ARFGAP3: variants seen among roughly 807,000 people sequenced by gnomAD.
ARFGAP3 encodes ARF GTPase activating protein 3.
A neutral mutation model predicts 75.0 loss-of-function variants in ARFGAP3; 72 were observed. The observed-to-expected ratio is 0.96, with a 90% CI of 0.79 to 1.17. The LOEUF is 1.17. Among genes scored for constraint, ARFGAP3 ranks in the 50% most tolerant of loss-of-function variants. ARFGAP3 has a pLI of 0.00. For synonymous variants in ARFGAP3, 221 were observed against 217.9 expected, an observed-to-expected ratio of 1.01 and a Z score of -0.13; for missense variants, 620 against 626.6, an observed-to-expected ratio of 0.99 and a Z score of 0.11.
At chr22:42,801,175 C>T (rs1235802275) in intron 14 of ARFGAP3, among the ~76,000 whole-genome samples, 2 of 152,108 alleles carry the variant, frequency 1.3e-5, no homozygotes, top group Admixed American at 6.5e-5. Flanking sequence ...ACGGGCTGAG[C>T]GTCCTCAGGA....
chr22:42,837,963 T>C (rs1428728396), intron 3 of ARFGAP3, among the ~76,000 whole-genome samples: 1 of 151,486 alleles, frequency 6.6e-6, no homozygotes, highest in Non-Finnish European at 1.5e-5. Flanking sequence ...GGAGCAACCA[T>C]GCCTGGCCAG....
At chr22:42,801,689 G>C (rs1481986713) in intron 14 of ARFGAP3, among the ~76,000 whole-genome samples, 1 of 152,174 alleles carries the variant, frequency 6.6e-6, no homozygotes, top group Middle Eastern at 3.2e-3. Context: ...AAGCTCCTTG[G>C]GGTCATTCAT....
At chr22:42,826,907 T>C in intron 7 of ARFGAP3, 33 bp downstream of exon 7, 1 of 1,601,072 alleles carries the variant, frequency 6.2e-7, no homozygotes, top group East Asian at 2.2e-5. Flanking sequence ...GTCATACACT[T>C]TAAATCAGAA....
chr22:42,812,576 A>G (rs1170839822), intron 11 of ARFGAP3, among the ~76,000 whole-genome samples: 1 of 152,218 alleles, frequency 6.6e-6, no homozygotes, highest in Non-Finnish European at 1.5e-5. Context: ...AAGAACCCAT[A>G]AGAGCAAAGA....
chr22:42,834,458 T>C lies in ARFGAP3; in HGVS notation c.394-133A>G, dbSNP rs1053865115. 29 of 1,460,746 alleles carry C rather than the reference T, an allele frequency of 2.0e-5. No individual in the cohort carries two copies. In the African/African-American group the frequency reaches 4.0e-4, roughly 20 times the overall value. The allele number at this position is 1,460,746 out of a possible 1,614,324, so 90.5% of individuals were successfully genotyped here. On this transcript the variant is annotated intron_variant, in intron 4 of 15. Transcript: ENST00000263245. The stretch of plus-strand genomic sequence containing the variant: ...TTCCATTCTTATAAAATCAGTAACA[T>C]CCCTACAGAGGACCTCTGCGTGCAC...
intron 5 of ARFGAP3, among the ~76,000 whole-genome samples, chr22:42,832,784 G>C (rs1038498702): frequency 1.3e-5 from 2 of 151,972 alleles, no homozygotes; most frequent in African/African-American, 4.8e-5. Flanking sequence ...TCAGGAGTTT[G>C]AGACAAGCCT....
At chr22:42,803,630 C>T (rs1024359554) in intron 14 of ARFGAP3, among the ~76,000 whole-genome samples, 2 of 152,206 alleles carry the variant, frequency 1.3e-5, no homozygotes, top group Non-Finnish European at 2.9e-5. Flanking sequence ...ATGGCAGTCC[C>T]CCAGCTCTAA....
chr22:42,807,128 T>C lies in ARFGAP3; in HGVS notation c.1356A>G (p.Ala452=). 4 of 1,613,030 alleles carry C rather than the reference T, an allele frequency of 2.5e-6. No homozygotes were observed. The highest frequency in any genetic ancestry group is 3.4e-6 in the Non-Finnish European group (4 of 1,179,572). ...GATCAGCCGAGCTTATGGAGGAACT[T>C]GCCGACAGCCTCTCTAGGCGGGCCC... The part of the protein sequence containing the change: ...ETRARLERLS[A]SSSISSADLF... The change falls in exon 14 of 16, where the codon GCA becomes GCG. Residue 452 remains alanine, a synonymous_variant. Coordinates refer to ENST00000263245, the MANE Select transcript of ARFGAP3 (RefSeq NM_014570.5).
At chr22:42,797,681 A>T in intron 15 of ARFGAP3, 76 bp from the exon 16 acceptor site, 1 of 1,613,488 alleles carries the variant, frequency 6.2e-7, no homozygotes, top group Non-Finnish European at 8.5e-7. Context: ...AATATTCAGC[A>T]TCACCCAAAT....
chr22:42,838,344 C>T (rs1926630332), intron 3 of ARFGAP3, among the ~76,000 whole-genome samples: 1 of 146,718 alleles, frequency 6.8e-6, no homozygotes. Context: ...GTCACCCAGG[C>T]TGGAGTGTAA....
At chr22:42,848,616 A>T (rs559862588) in intron 1 of ARFGAP3, among the ~76,000 whole-genome samples, 2,206 of 152,286 alleles carry the variant, frequency 0.014, 57 homozygotes, top group African/African-American at 0.05. Flanking sequence ...GGATCCTACC[A>T]GTCATGTAAA....
intron 1 of ARFGAP3, among the ~76,000 whole-genome samples, chr22:42,852,180 G>A (rs574158344): frequency 2.0e-5 from 3 of 150,926 alleles, no homozygotes; most frequent in East Asian, 2.0e-4. Context: ...TCAGCCTCCC[G>A]AGCAGCTGGG....
At chr22:42,808,961 ATT>A in intron 12 of ARFGAP3, 71 bp from the exon 13 acceptor site, 2 of 1,361,744 alleles carry the variant, frequency 1.5e-6, no homozygotes, top group Admixed American at 5.3e-5. Context: ...TACTCATTTT[ATT>A]TTTTAAAATG....
At chr22:42,838,530 C>T (rs1926638577) in intron 3 of ARFGAP3, among the ~76,000 whole-genome samples, 1 of 151,868 alleles carries the variant, frequency 6.6e-6, no homozygotes. Flanking sequence ...CTCCTGGACT[C>T]AAGTGATCCT....
intron 12 of ARFGAP3, among the ~76,000 whole-genome samples, chr22:42,810,161 G>C (rs77219115): frequency 0.045 from 6,898 of 151,794 alleles, 211 homozygotes; most frequent in Non-Finnish European, 0.069. Context: ...TTCCTATTTA[G>C]AATCAGTAAT....
At chr22:42,816,976 G>A (rs1925603082) in intron 11 of ARFGAP3, among the ~76,000 whole-genome samples, 166 bp downstream of exon 11, 4 of 152,114 alleles carry the variant, frequency 2.6e-5, no homozygotes, top group Admixed American at 6.5e-5. Context: ...TTTTACAAAC[G>A]TTTCTCTAAT....
intron 8 of ARFGAP3, among the ~76,000 whole-genome samples, 189 bp downstream of exon 8, chr22:42,823,467 A>G (rs1395162389): frequency 6.6e-6 from 1 of 152,118 alleles, no homozygotes; most frequent in Non-Finnish European, 1.5e-5. Flanking sequence ...TAATCATTCT[A>G]GAAAAAATTC....
intron 11 of ARFGAP3, among the ~76,000 whole-genome samples, chr22:42,815,212 G>A (rs899282507): frequency 9.2e-5 from 14 of 152,142 alleles, no homozygotes; most frequent in Non-Finnish European, 5.9e-5. Flanking sequence ...GATCTGACAC[G>A]TATGTAGTTT....
intron 14 of ARFGAP3, among the ~76,000 whole-genome samples, chr22:42,805,325 AAAC>A (rs1196777244): frequency 1.3e-5 from 2 of 152,238 alleles, no homozygotes; most frequent in Admixed American, 6.5e-5. Flanking sequence ...TTTTTTAAAA[AAAC>A]AAACAGTGCT....
Sources: gnomAD v4.1 joint callset for allele counts (sites outside exome capture counted in the v4.1 genomes callset) on GRCh38, gnomAD v4.1.1 for gene constraint, MANE v1.5 for transcripts, NCBI Gene and HGNC (gene_info 2026-07-23, HGNC 2026-07-21) for gene names.